The following NUP93 variants were observed in gnomAD, a reference collection of about 807,000 sequenced individuals.
NUP93 encodes nuclear pore complex protein Nup93.
A neutral mutation model predicts 107.8 loss-of-function variants in NUP93; 55 were observed. That is an observed-to-expected ratio of 0.51 (90% CI 0.41 to 0.64). NUP93 has a LOEUF of 0.64. Among genes scored for constraint, NUP93 ranks in the 30% least tolerant of loss-of-function variants. The pLI, the probability that NUP93 is intolerant of heterozygous loss-of-function variation, is 0.00. For synonymous variants in NUP93, 390 were observed against 397.5 expected (o/e 0.98, Z 0.22); for missense variants, 937 against 1,044.7 (o/e 0.90, Z 1.42).
At chr16:56,786,472 C>A (rs760414299) in intron 3 of NUP93, among the ~76,000 whole-genome samples, 1 of 152,204 alleles carries the variant, frequency 6.6e-6, no homozygotes, top group Non-Finnish European at 1.5e-5. Context: ...ACTGATTGAT[C>A]TAATGGATTG....
intron 1 of NUP93, among the ~76,000 whole-genome samples, chr16:56,730,607 C>G (rs540691936): frequency 3.4e-4 from 52 of 152,298 alleles, no homozygotes; most frequent in Middle Eastern, 3.4e-3. Context: ...GCCTGCTTGC[C>G]TACCCCTCGT....
At chr16:56,794,655 G>A (rs1428965668) in intron 3 of NUP93, among the ~76,000 whole-genome samples, 8 of 152,096 alleles carry the variant, frequency 5.3e-5, no homozygotes, top group Non-Finnish European at 7.4e-5. Context: ...TAGGCTGGGC[G>A]CGGTGGCTCA....
chr16:56,841,937 C>T, intron 21 of NUP93, 104 bp downstream of exon 21: 1 of 1,385,078 alleles, frequency 7.2e-7, no homozygotes, highest in Non-Finnish European at 9.8e-7. Flanking sequence ...GCTCTTTCTC[C>T]TCAGTACCTG....
At chr16:56,798,028 C>G (rs1371092754) in intron 3 of NUP93, among the ~76,000 whole-genome samples, 1 of 152,150 alleles carries the variant, frequency 6.6e-6, no homozygotes, top group East Asian at 1.9e-4. Context: ...TATTGGCCAA[C>G]AAGTGAAAAG....
At chr16:56,820,481 A>G (rs1046720048) in intron 6 of NUP93, among the ~76,000 whole-genome samples, 3 of 152,084 alleles carry the variant, frequency 2.0e-5, no homozygotes, top group Non-Finnish European at 2.9e-5. Context: ...ACACCAGGCT[A>G]ATTTTTGTAT....
chr16:56,768,789 C>A (rs1425903639), intron 3 of NUP93, among the ~76,000 whole-genome samples: 1 of 150,682 alleles, frequency 6.6e-6, no homozygotes, highest in African/African-American at 2.5e-5. Flanking sequence ...ATGGTGTGAA[C>A]CCAGGAGGTA....
intron 2 of NUP93, among the ~76,000 whole-genome samples, chr16:56,756,255 G>T (rs112408606): frequency 1.3e-4 from 19 of 145,754 alleles, no homozygotes; most frequent in African/African-American, 4.1e-4. Flanking sequence ...TTTAAGGCCT[G>T]CATGCGTTAG....
intron 21 of NUP93, among the ~76,000 whole-genome samples, chr16:56,842,083 A>C (rs760162763): frequency 1.1e-4 from 16 of 152,364 alleles, no homozygotes; most frequent in Middle Eastern, 3.4e-3. Flanking sequence ...ATCAAACAGA[A>C]TGCTAATTTC....
chr16:56,801,546 T>C (rs1461479066), intron 4 of NUP93, among the ~76,000 whole-genome samples: 2 of 152,102 alleles, frequency 1.3e-5, no homozygotes, highest in African/African-American at 2.4e-5. Context: ...CCGAGTAGCT[T>C]GGATTACAGG....
At chr16:56,831,696 A>G (rs1200482753) in intron 10 of NUP93, 146 bp from the exon 11 acceptor site, 2 of 726,402 alleles carry the variant, frequency 2.8e-6, no homozygotes, top group East Asian at 2.7e-5. Flanking sequence ...TACCGAGGGG[A>G]GGGGATGGGG....
chr16:56,742,275 G>T (rs8061132), intron 1 of NUP93, among the ~76,000 whole-genome samples: 134,235 of 152,312 alleles, frequency 0.88, 59,498 homozygotes, highest in East Asian at 1. Flanking sequence ...GTTTTCACAC[G>T]GGGGCCTAGT....
intron 1 of NUP93, among the ~76,000 whole-genome samples, chr16:56,744,528 C>T (rs951588577): frequency 6.6e-6 from 1 of 152,182 alleles, no homozygotes; most frequent in Non-Finnish European, 1.5e-5. Context: ...TTAATTTCTA[C>T]TGATTGAGTA....
rs1273590542 is a variant in NUP93 at position 56,790,482 on chromosome 16, CTGA to C, written c.298-7992_298-7990del. On this transcript the variant is annotated intron_variant, in intron 3 of 21. Transcript: ENST00000308159. ...CTAATGAAAAGCGAGTCCACACCGT[CTGA>C]TAAGCCCAGAGGCTCTCCAGGTACT... Among the ~76,000 whole-genome samples the C allele has an allele frequency of 5.3e-5, 8 of 152,334 alleles. No individual in the cohort carries two copies. In the East Asian group the frequency reaches 1.5e-3, roughly 29 times the overall value.
intron 17 of NUP93, 140 bp downstream of exon 17, chr16:56,836,857 G>T (rs1341461736): frequency 6.9e-6 from 4 of 583,646 alleles, no homozygotes; most frequent in Non-Finnish European, 1.2e-5. Flanking sequence ...GACAGTTAAT[G>T]GTCCAGTCAG....
At chr16:56,761,561 A>T (rs1596778539) in intron 3 of NUP93, among the ~76,000 whole-genome samples, 2 of 150,252 alleles carry the variant, frequency 1.3e-5, no homozygotes. Context: ...CAATCAATGC[A>T]TTTTTTTTTT....
intron 21 of NUP93, among the ~76,000 whole-genome samples, chr16:56,843,321 G>C (rs1567416132): frequency 6.6e-6 from 1 of 152,220 alleles, no homozygotes. Context: ...TTGGTGCTCT[G>C]TGTGCTGCTT....
At chr16:56,733,703 A>C (rs1196401055) in intron 1 of NUP93, among the ~76,000 whole-genome samples, 1 of 152,194 alleles carries the variant, frequency 6.6e-6, no homozygotes, top group Non-Finnish European at 1.5e-5. Context: ...GGCTGGACAT[A>C]GAGATATGAG....
chr16:56,824,038 T>C (rs1413349021), intron 8 of NUP93, among the ~76,000 whole-genome samples, 192 bp downstream of exon 8: 1 of 152,214 alleles, frequency 6.6e-6, no homozygotes, highest in African/African-American at 2.4e-5. Flanking sequence ...GGACTGTTTC[T>C]GCAGTGGTAT....
intron 21 of NUP93, among the ~76,000 whole-genome samples, chr16:56,843,369 C>A (rs1964063837): frequency 6.6e-6 from 1 of 152,152 alleles, no homozygotes; most frequent in Non-Finnish European, 1.5e-5. Context: ...AAGAGCTGGT[C>A]CCCTGGCAGG....
Sources: gnomAD v4.1 joint callset for allele counts (sites outside exome capture counted in the v4.1 genomes callset) on GRCh38, gnomAD v4.1.1 for gene constraint, MANE v1.5 for transcripts, NCBI Gene and HGNC (gene_info 2026-07-23, HGNC 2026-07-21) for gene names.